The following TMEM145 variants were observed in gnomAD, a reference collection of about 807,000 sequenced individuals.
TMEM145 encodes the protein transmembrane protein 145.
Under a neutral mutation model 68.5 loss-of-function variants are expected in TMEM145, and 46 were observed. The observed-to-expected ratio is 0.67, with a 90% confidence interval of 0.53 to 0.86. The LOEUF is 0.86. TMEM145 is among the 40% of genes least tolerant of loss of function. The pLI is 0.00. For missense variants in TMEM145, 570 were observed against 645.8 expected, an observed-to-expected ratio of 0.88 and a Z score of 1.27; for synonymous variants, 255 against 280.2, an observed-to-expected ratio of 0.91 and a Z score of 0.90.
rs1055724490 is a variant in TMEM145, at chr19:42,316,422, G to A, written c.647-59G>A. 2.4e-5 allele frequency: 36 copies of A among 1,525,066 alleles called. No individual in the cohort carries two copies. The East Asian group carries it at 7.4e-4, about 31-fold the overall frequency. The allele number at this position is 1,525,066 out of a possible 1,614,324, so 94.5% of individuals were successfully genotyped here. ...AGACTGCCTGGATGGTAGTGCTAGA[G>A]AACAGTGATGCCCCAGAGCTGCTTT... On this transcript the variant is annotated intron_variant, in intron 8 of 14. Coordinates refer to ENST00000301204, the MANE Select transcript of TMEM145 (RefSeq NM_173633.3).
At position 42,324,371 on chromosome 19, in the gene TMEM145, C is replaced by A. The variant is rs997731041; in HGVS notation, c.1402-366C>A. ...GGCCGAGCCGGGCGCAGCCTCCCCC[C>A]CACTTCCCGCTCGGTTCCCCAAGGC... is the stretch of plus-strand genomic sequence containing the variant. On this transcript the variant is annotated intron_variant, in intron 14 of 14. Coordinates refer to ENST00000301204, the MANE Select transcript of TMEM145 (RefSeq NM_173633.3). The A allele has an allele frequency of 3.0e-6, 3 of 985,152 alleles. No individual in the cohort carries two copies. In the South Asian group the frequency reaches 1.4e-4, roughly 46 times the overall value. 61.0% of individuals were successfully genotyped at this position (985,152 alleles called of 1,614,324 possible). A position where few individuals can be genotyped will look rare whatever the true frequency, so the allele number is the denominator to read the frequency against.
intron 3 of TMEM145, 30 bp downstream of exon 3, chr19:42,314,558 G>T: frequency 6.2e-7 from 1 of 1,614,176 alleles, no homozygotes; most frequent in Admixed American, 1.7e-5. Context: ...CATAGGGGGA[G>T]AGGGGAGAAG....
At chr19:42,324,122 G>C (rs2038942628) in intron 14 of TMEM145, among the ~76,000 whole-genome samples, 2 of 150,096 alleles carry the variant, frequency 1.3e-5, no homozygotes, top group Admixed American at 6.6e-5. Flanking sequence ...ACCTGGCCCC[G>C]CTGCCCAGGC....
chr19:42,315,234 C>G lies in TMEM145; in HGVS notation c.552C>G (p.Ile184Met). ...DVTFLLIFIL[I>M]FFLSCYFGYL... ...CCTTCCTCCTCATCTTCATCCTCAT[C>G]TTCTTCCTCTCTTGTTACTTTGGAT... Residue 184 changes from isoleucine to methionine, a missense_variant, in exon 7 of 15, where the codon ATC (isoleucine) becomes ATG (methionine). Physicochemically the swap from Ile to Met is conservative, Grantham distance 10. Coordinates refer to ENST00000301204, the MANE Select transcript of TMEM145 (RefSeq NM_173633.3). 1.2e-6 allele frequency: 2 copies of G among 1,607,046 alleles called. No individual in the cohort carries two copies. The highest frequency in any genetic ancestry group is 1.7e-6 in the Non-Finnish European group (2 of 1,175,174).
chr19:42,314,120 C>T (rs1439516332), intron 1 of TMEM145, 152 bp from the exon 2 acceptor site: 7 of 757,976 alleles, frequency 9.2e-6, no homozygotes, highest in East Asian at 7.5e-5. Flanking sequence ...CCCACAGTGA[C>T]GGGATCAGGG....
rs931423907 is a variant in TMEM145 at position 42,313,446 on chromosome 19, C to T, written c.70C>T (p.Pro24Ser). ...GCTGCTGCTCCTGCTGCTGTCACTGCCCCCCCGCGCCCGGGCCAAGTACGT... is the reference window on the plus strand; with the variant it reads ...GCTGCTGCTCCTGCTGCTGTCACTGTCCCCCCGCGCCCGGGCCAAGTACGT... The part of the protein sequence containing the change: ...PPLLLLLLSL[P>S]PRARAKYVRG... The change falls in exon 1 of 15, where the codon CCC (proline) becomes TCC (serine). Residue 24 changes from proline to serine, a missense_variant. Coordinates refer to ENST00000301204, the MANE Select transcript of TMEM145 (RefSeq NM_173633.3). The surrounding 1 kb of genome is among the most constrained non-coding windows in gnomAD (Gnocchi z 5.1). 5.1e-6 allele frequency: 7 copies of T among 1,367,946 alleles called. No individual in the cohort carries two copies. In the South Asian group the frequency reaches 5.4e-5, roughly 10 times the overall value. 84.7% of individuals were successfully genotyped at this position (1,367,946 alleles called of 1,614,324 possible). A position where few individuals can be genotyped will look rare whatever the true frequency, so the allele number is the denominator to read the frequency against.
In TMEM145 at chr19:42,314,780, G is replaced by C; in HGVS notation, c.361-12G>C. ...ATCAAGGACAGGCTTCAGCCTTCTC[G>C]TTTGTCCCCAGGTGGTATCAGAGGA... is the stretch of plus-strand genomic sequence containing the variant. On this transcript the variant is annotated splice_polypyrimidine_tract_variant and intron_variant, in intron 4 of 14. Coordinates refer to ENST00000301204, the MANE Select transcript of TMEM145 (RefSeq NM_173633.3). The C allele has an allele frequency of 6.2e-7, 1 of 1,614,204 alleles. No homozygotes were observed. The highest frequency in any genetic ancestry group is 1.1e-5 in the South Asian group (1 of 91,086).
At chr19:42,315,285 G>A in intron 7 of TMEM145, 26 bp downstream of exon 7, 1 of 1,612,900 alleles carries the variant, frequency 6.2e-7, no homozygotes, top group Non-Finnish European at 8.5e-7. Context: ...GGGGTGTGGG[G>A]GAAGAGATAG....
intron 13 of TMEM145, 54 bp from the exon 14 acceptor site, chr19:42,323,529 G>A: frequency 6.4e-7 from 1 of 1,574,154 alleles, no homozygotes; most frequent in Non-Finnish European, 8.7e-7. Context: ...AGTTTATGGG[G>A]ACAGCCTCCG....
intron 13 of TMEM145, among the ~76,000 whole-genome samples, chr19:42,320,696 C>T (rs750900921): frequency 3.3e-5 from 5 of 151,646 alleles, no homozygotes; most frequent in East Asian, 3.9e-4. Flanking sequence ...GGCTTGATCT[C>T]GGCTCCCTGC....
chr19:42,324,790 GC>G lies in TMEM145; in HGVS notation c.1460del (p.Pro487LeufsTer82), dbSNP rs1419784108. 5.1e-6 allele frequency: 8 copies of G among 1,567,504 alleles called. No homozygotes were observed. The highest frequency in any genetic ancestry group is 1.2e-5 in the South Asian group (1 of 86,278). ...GGCTCCCGCTGTTCCGTGACCTCCG[GC>G]CCCCTGGCCCCCTTCGAGACCTCTG... ...SGLPLFRDLR[P>X]PGPLRDL On this transcript the variant is annotated frameshift_variant, in exon 15 of 15. Coordinates refer to ENST00000301204, the MANE Select transcript of TMEM145 (RefSeq NM_173633.3). LOFTEE classifies it high-confidence loss of function.
chr19:42,324,996 C>T lies in TMEM145; in HGVS notation c.*179C>T, dbSNP rs1188542539. On this transcript the variant is annotated 3_prime_UTR_variant, in exon 15 of 15. Transcript: ENST00000301204. ...CATCTCCATTCCGGGGGCCTTCCCT[C>T]GGGTCCCTGGCAGAAAGACATTTTA... The T allele has an allele frequency of 3.4e-5, 36 of 1,072,750 alleles. No individual in the cohort carries two copies. The highest frequency in any genetic ancestry group is 1.0e-4 in the South Asian group (3 of 29,464). 66.5% of individuals were successfully genotyped at this position (1,072,750 alleles called of 1,614,324 possible).
rs2038843167 is a variant in TMEM145, at chr19:42,315,166, ACTC to A, written c.506-16_506-14del. ...GGGGACATCCACCTGAATGAACCTT[ACTC>A]CTCCTACCAAATCGGCAGGGATCCT... On this transcript the variant is annotated intron_variant, in intron 6 of 14. Coordinates refer to ENST00000301204, the MANE Select transcript of TMEM145 (RefSeq NM_173633.3). The A allele has an allele frequency of 2.5e-6, 4 of 1,612,942 alleles. No individual in the cohort carries two copies. In the South Asian group the frequency reaches 4.4e-5, roughly 18 times the overall value.
In TMEM145 at chr19:42,324,718, T is replaced by C; in HGVS notation, c.1402-19T>C. On this transcript the variant is annotated intron_variant, in intron 14 of 14. Transcript: ENST00000301204. ...CCAAACGGTCCCGCGGGAGCCGCTCTCCCCGTCCCCTCCCTCAGCCCCTGC... is the reference window on the plus strand; with the variant it reads ...CCAAACGGTCCCGCGGGAGCCGCTCCCCCCGTCCCCTCCCTCAGCCCCTGC... The C allele has an allele frequency of 7.7e-7, 1 of 1,299,042 alleles. No homozygotes were observed. The highest frequency in any genetic ancestry group is 1.4e-5 in the South Asian group (1 of 73,228). 80.5% of individuals were successfully genotyped at this position (1,299,042 alleles called of 1,614,324 possible).
intron 3 of TMEM145, 35 bp downstream of exon 3, chr19:42,314,563 G>A (rs1196916631): frequency 1.2e-6 from 2 of 1,614,194 alleles, no homozygotes; most frequent in Non-Finnish European, 1.7e-6. Flanking sequence ...GGGGAGAGGG[G>A]AGAAGGTCGT....
At chr19:42,318,440 C>T (rs1477032943) in intron 12 of TMEM145, among the ~76,000 whole-genome samples, 1 of 151,134 alleles carries the variant, frequency 6.6e-6, no homozygotes, top group Non-Finnish European at 1.5e-5. Context: ...AATCCCATCA[C>T]TTTGGGAGGC....
intron 13 of TMEM145, chr19:42,321,323 C>T (rs1405918402): frequency 1.8e-5 from 7 of 387,092 alleles, no homozygotes; most frequent in Non-Finnish European, 3.2e-5. Flanking sequence ...CTCCCAGGTT[C>T]TCCTGCCTCA....
intron 11 of TMEM145, among the ~76,000 whole-genome samples, chr19:42,317,366 C>A (rs371992388): frequency 6.6e-6 from 1 of 152,186 alleles, no homozygotes; most frequent in African/African-American, 2.4e-5. Context: ...GGCTTTCTAT[C>A]GTCTGTATGG....
At chr19:42,318,551 C>G (rs1189004533) in intron 12 of TMEM145, among the ~76,000 whole-genome samples, 1 of 150,786 alleles carries the variant, frequency 6.6e-6, no homozygotes, top group Non-Finnish European at 1.5e-5. Flanking sequence ...GCCGGGCATG[C>G]TGGTGGGCAC....
Sources: gnomAD v4.1 joint callset for allele counts (sites outside exome capture counted in the v4.1 genomes callset) on GRCh38, gnomAD v4.1.1 for gene constraint, Gnocchi (gnomAD v3.1) non-coding constraint, MANE v1.5 for transcripts, NCBI Gene and HGNC (gene_info 2026-07-23, HGNC 2026-07-21) for gene names.